Variants in FAF1 observed in about 807,000 individuals in gnomAD.
FAF1 encodes Fas associated factor 1, also known as FAS-associated factor 1.
FAF1 carries 25 observed loss-of-function variants against 92.5 expected under a neutral mutation model. The ratio of observed to expected loss-of-function variants is 0.27; its 90% CI spans 0.20 to 0.38. FAF1 has a LOEUF of 0.38. FAF1 is among the 10% of genes least tolerant of loss of function. FAF1 has a pLI of 1.00. For synonymous variants in FAF1, 234 were observed against 273.2 expected, an observed-to-expected ratio of 0.86 and a Z score of 1.42; for missense variants, 636 against 793.3, an observed-to-expected ratio of 0.80 and a Z score of 2.38.
At chr1:50,730,842 C>T (rs756618737) in intron 6 of FAF1, among the ~76,000 whole-genome samples, 9 of 152,322 alleles carry the variant, frequency 5.9e-5, no homozygotes, top group Non-Finnish European at 8.8e-5. Flanking sequence ...AGTTGCTACA[C>T]GCTTTTCACT....
chr1:50,776,284 GACAC>G (rs933549075), intron 4 of FAF1, among the ~76,000 whole-genome samples: 1 of 152,082 alleles, frequency 6.6e-6, no homozygotes, highest in Non-Finnish European at 1.5e-5. Context: ...GACAGCTACA[GACAC>G]ATTATAAATA....
At chr1:50,489,331 G>A (rs756201044) in intron 17 of FAF1, among the ~76,000 whole-genome samples, 2 of 152,238 alleles carry the variant, frequency 1.3e-5, no homozygotes, top group African/African-American at 2.4e-5. Flanking sequence ...AACTAACAGA[G>A]TTTTCCTCAA....
intron 6 of FAF1, among the ~76,000 whole-genome samples, chr1:50,709,460 C>T (rs1657825729): frequency 1.3e-5 from 2 of 152,204 alleles, no homozygotes; most frequent in South Asian, 4.1e-4. Context: ...TCAAGAAATA[C>T]TTCTGCATAT....
chr1:50,923,017 T>C (rs997238131), intron 1 of FAF1, among the ~76,000 whole-genome samples: 1 of 152,060 alleles, frequency 6.6e-6, no homozygotes, highest in Non-Finnish European at 1.5e-5. Context: ...TTGGAAAACC[T>C]AGAGTAAATG....
At chr1:50,777,007 C>T (rs1001940667) in intron 4 of FAF1, among the ~76,000 whole-genome samples, 1 of 152,000 alleles carries the variant, frequency 6.6e-6, no homozygotes, top group African/African-American at 2.4e-5. Flanking sequence ...TACCTCTAAT[C>T]CTAGCACTTT....
At chr1:50,818,235 T>C (rs1186448714) in intron 2 of FAF1, among the ~76,000 whole-genome samples, 1 of 152,148 alleles carries the variant, frequency 6.6e-6, no homozygotes, top group Non-Finnish European at 1.5e-5. Context: ...AAAAAGACTA[T>C]CAACACCAAA....
At chr1:50,837,443 G>T (rs897833912) in intron 2 of FAF1, among the ~76,000 whole-genome samples, 1 of 152,104 alleles carries the variant, frequency 6.6e-6, no homozygotes, top group East Asian at 1.9e-4. Context: ...GACGTGCCTG[G>T]TTGCTTCCTC....
intron 1 of FAF1, among the ~76,000 whole-genome samples, chr1:50,907,690 A>G (rs1449460078): frequency 6.6e-6 from 1 of 151,942 alleles, no homozygotes; most frequent in Non-Finnish European, 1.5e-5. Flanking sequence ...GTATTCTCTG[A>G]TGGTAGTTTG....
intron 1 of FAF1, among the ~76,000 whole-genome samples, chr1:50,899,378 T>G (rs1436973462): frequency 1.3e-5 from 2 of 152,220 alleles, no homozygotes; most frequent in African/African-American, 4.8e-5. Context: ...TGGGTCATAT[T>G]TTCTAGCTTC....
intron 7 of FAF1, among the ~76,000 whole-genome samples, chr1:50,677,395 G>GA (rs1242339552): frequency 1.3e-5 from 2 of 152,064 alleles, no homozygotes; most frequent in Admixed American, 1.3e-4. Flanking sequence ...TCTAAGAACT[G>GA]ATCCTGGAGA....
At chr1:50,634,857 A>G (rs1569635014) in intron 8 of FAF1, among the ~76,000 whole-genome samples, 1 of 152,186 alleles carries the variant, frequency 6.6e-6, no homozygotes, top group African/African-American at 2.4e-5. Flanking sequence ...AGTCTCATAG[A>G]AGGAAAATGA....
At chr1:50,901,177 A>G (rs150461445) in intron 1 of FAF1, among the ~76,000 whole-genome samples, 19 of 152,342 alleles carry the variant, frequency 1.2e-4, no homozygotes, top group Admixed American at 2.6e-4. Flanking sequence ...TAAAAAATAT[A>G]ATCCTGCTTG....
At chr1:50,825,133 A>G (rs1644084187) in intron 2 of FAF1, among the ~76,000 whole-genome samples, 1 of 152,118 alleles carries the variant, frequency 6.6e-6, no homozygotes, top group Non-Finnish European at 1.5e-5. Context: ...AAGAAATGAT[A>G]AGTGTTTGAG....
intron 1 of FAF1, among the ~76,000 whole-genome samples, chr1:50,915,717 C>T (rs1421167701): frequency 3.3e-5 from 5 of 151,280 alleles, no homozygotes; most frequent in South Asian, 4.2e-4. Flanking sequence ...AACCTTCTTA[C>T]GAGAAAAAAG....
intron 7 of FAF1, among the ~76,000 whole-genome samples, chr1:50,694,073 A>C (rs1657077723): frequency 7.3e-6 from 1 of 137,796 alleles, no homozygotes; most frequent in Non-Finnish European, 1.5e-5. Flanking sequence ...TGACATATAC[A>C]TGACATATAT....
At chr1:50,681,168 T>G (rs2124366704) in intron 7 of FAF1, among the ~76,000 whole-genome samples, 1 of 152,196 alleles carries the variant, frequency 6.6e-6, no homozygotes, top group East Asian at 1.9e-4. Context: ...TGCCTCAGCC[T>G]CCCAAGTAGC....
At chr1:50,951,664 A>G (rs1444906262) in intron 1 of FAF1, among the ~76,000 whole-genome samples, 1 of 152,194 alleles carries the variant, frequency 6.6e-6, no homozygotes, top group Non-Finnish European at 1.5e-5. Context: ...CCCAAATACT[A>G]AAACAACATG....
chr1:50,615,202 C>A (rs1036504521), intron 8 of FAF1, among the ~76,000 whole-genome samples: 1 of 152,216 alleles, frequency 6.6e-6, no homozygotes, highest in Admixed American at 6.5e-5. Context: ...CAGGTTGCTG[C>A]AAAAGATATG....
intron 6 of FAF1, among the ~76,000 whole-genome samples, chr1:50,708,532 AAT>A (rs1298720311): frequency 1.3e-5 from 2 of 152,164 alleles, no homozygotes; most frequent in African/African-American, 4.8e-5. Flanking sequence ...AAAAAAAAAA[AAT>A]GTCATGTAGA....
Sources: allele counts gnomAD v4.1 joint callset (sites outside exome capture counted in the v4.1 genomes callset), GRCh38; gene constraint gnomAD v4.1.1; transcripts MANE v1.5; gene names NCBI Gene and HGNC (gene_info 2026-07-23, HGNC 2026-07-21).